Variants in KAT6B observed in about 807,000 individuals in gnomAD.
The protein encoded by KAT6B is histone acetyltransferase KAT6B.
Under a neutral mutation model 187.5 loss-of-function variants are expected in KAT6B, and 10 were observed. The ratio of observed to expected loss-of-function variants is 0.05; its 90% CI spans 0.03 to 0.09. KAT6B has a LOEUF of 0.09. Ranked by LOEUF, KAT6B falls within the 10% of genes least tolerant of loss-of-function variation. The pLI, the probability that KAT6B is intolerant of heterozygous loss-of-function variation, is 1.00. For missense variants in KAT6B, 1,952 were observed against 2,558.9 expected, an observed-to-expected ratio of 0.76 and a Z score of 5.12; for synonymous variants, 861 against 926.8, an observed-to-expected ratio of 0.93 and a Z score of 1.29.
chr10:75,024,323 C>T (rs994478512), intron 16 of KAT6B: 1 of 152,266 alleles, frequency 6.6e-6, no homozygotes, highest in Non-Finnish European at 1.5e-5. Context: ...TAGATTCCTT[C>T]TATTAAAATA....
chr10:74,874,333 G>A (rs1280112496), intron 3 of KAT6B, among the ~76,000 whole-genome samples: 1 of 152,176 alleles, frequency 6.6e-6, no homozygotes, highest in East Asian at 1.9e-4. Flanking sequence ...CTGATAGGCT[G>A]TAAGTCTGTC....
At chr10:75,002,756 A>G (rs1256067845) in intron 13 of KAT6B, among the ~76,000 whole-genome samples, 1 of 152,238 alleles carries the variant, frequency 6.6e-6, no homozygotes, top group Admixed American at 6.5e-5. Context: ...TGGGACTACC[A>G]TTGAATATGT....
At chr10:75,002,908 G>A (rs1416261757) in intron 13 of KAT6B, 1 of 152,270 alleles carries the variant, frequency 6.6e-6, no homozygotes, top group South Asian at 2.1e-4. Flanking sequence ...AGAGCCTGGC[G>A]CTTAGTAGGT....
intron 3 of KAT6B, among the ~76,000 whole-genome samples, chr10:74,910,390 C>G (rs1274720208): frequency 6.6e-6 from 1 of 152,156 alleles, no homozygotes; most frequent in Non-Finnish European, 1.5e-5. Flanking sequence ...AATACCCCCT[C>G]GTGGCATTTC....
At chr10:75,016,493 C>G (rs1005334388) in intron 13 of KAT6B, among the ~76,000 whole-genome samples, 1 of 152,226 alleles carries the variant, frequency 6.6e-6, no homozygotes, top group Non-Finnish European at 1.5e-5. Flanking sequence ...AAAGAGGAAG[C>G]CAGCTTTTGC....
At chr10:74,954,883 GCTCTA>G (rs1018339088) in intron 3 of KAT6B, among the ~76,000 whole-genome samples, 9 of 152,052 alleles carry the variant, frequency 5.9e-5, no homozygotes, top group African/African-American at 2.2e-4. Flanking sequence ...GCATCTCCCC[GCTCTA>G]TAGATTAACA....
chr10:75,020,513 C>T (rs992379085), intron 13 of KAT6B, 69 bp from the exon 14 acceptor site: 7 of 1,066,918 alleles, frequency 6.6e-6, no homozygotes, highest in South Asian at 5.1e-5. Flanking sequence ...CATATTATTT[C>T]TAGTGGCTCC....
At chr10:74,921,367 A>G (rs1848115267) in intron 3 of KAT6B, among the ~76,000 whole-genome samples, 1 of 151,950 alleles carries the variant, frequency 6.6e-6, no homozygotes, top group Non-Finnish European at 1.5e-5. Context: ...GCCTGCCTTG[A>G]ACTCCCAAAG....
chr10:75,031,610 G>A lies in KAT6B; in HGVS notation c.*564G>A. ...CTTGATTAGGGTGCCCTAATTTGAG[G>A]GTTTTAAAAAAAACTATATTTTTGT... is the stretch of plus-strand genomic sequence containing the variant. On this transcript the variant is annotated 3_prime_UTR_variant, in exon 18 of 18. Transcript: ENST00000287239. 1 of 214,352 alleles carries A rather than the reference G, an allele frequency of 4.7e-6. No homozygotes were observed. Among genetic ancestry groups the A allele is most frequent in the Non-Finnish European group, 9.4e-6 (1 of 106,576 alleles). 13.3% of individuals were successfully genotyped at this position (214,352 alleles called of 1,614,324 possible). A position where few individuals can be genotyped will look rare whatever the true frequency, so the allele number is the denominator to read the frequency against.
chr10:74,992,100 T>C (rs1843153896), intron 13 of KAT6B, among the ~76,000 whole-genome samples: 1 of 152,218 alleles, frequency 6.6e-6, no homozygotes, highest in African/African-American at 2.4e-5. Flanking sequence ...TTAAATTTAT[T>C]TTATTTCTAT....
intron 13 of KAT6B, among the ~76,000 whole-genome samples, chr10:74,995,895 A>T (rs1455611753): frequency 2.0e-5 from 3 of 152,240 alleles, no homozygotes; most frequent in African/African-American, 4.8e-5. Flanking sequence ...AAGTGAGCAG[A>T]TAATGAATTG....
intron 3 of KAT6B, among the ~76,000 whole-genome samples, chr10:74,950,318 G>T (rs11001217): frequency 2.6e-5 from 4 of 152,140 alleles, no homozygotes; most frequent in Non-Finnish European, 5.9e-5. Flanking sequence ...GTTCTACCCC[G>T]AAGGATGTGA....
intron 3 of KAT6B, among the ~76,000 whole-genome samples, chr10:74,941,308 A>G (rs1055159807): frequency 6.6e-6 from 1 of 152,218 alleles, no homozygotes; most frequent in Non-Finnish European, 1.5e-5. Flanking sequence ...TAATAATGGT[A>G]ATGACAGAGA....
intron 1 of KAT6B, chr10:74,827,362 CAG>C (rs985408866): frequency 6.6e-5 from 10 of 151,502 alleles, no homozygotes; most frequent in African/African-American, 2.5e-4. Context: ...TGAAGCGGTG[CAG>C]AGTGTTGGGT....
intron 13 of KAT6B, among the ~76,000 whole-genome samples, chr10:75,007,751 AATC>A (rs1220235221): frequency 6.6e-6 from 1 of 152,294 alleles, no homozygotes; most frequent in South Asian, 2.1e-4. Flanking sequence ...TTTAGAAAGC[AATC>A]ATCTTAAAAT....
chr10:74,983,337 C>G (rs1842631341), intron 11 of KAT6B: 1 of 152,422 alleles, frequency 6.6e-6, no homozygotes, highest in Non-Finnish European at 1.5e-5. Flanking sequence ...CAAACATCCC[C>G]TGGGGGCGCA....
intron 1 of KAT6B, among the ~76,000 whole-genome samples, chr10:74,829,344 TAA>T (rs1264802155): frequency 6.6e-6 from 1 of 152,186 alleles, no homozygotes; most frequent in East Asian, 1.9e-4. Context: ...TATCAATTAG[TAA>T]AAGACGTAAC....
chr10:74,941,845 A>T (rs1419055310), intron 3 of KAT6B, among the ~76,000 whole-genome samples: 2 of 152,194 alleles, frequency 1.3e-5, no homozygotes, highest in African/African-American at 4.8e-5. Context: ...CTTTGCTTTC[A>T]TACTAAAACT....
At chr10:74,977,106 C>A in intron 8 of KAT6B, 1 of 465,128 alleles carries the variant, frequency 2.1e-6, no homozygotes, top group Non-Finnish European at 3.9e-6. Context: ...AAAAAGATGA[C>A]AGTGATAAAT....
Sources: gnomAD v4.1 joint callset for allele counts (sites outside exome capture counted in the v4.1 genomes callset) on GRCh38, gnomAD v4.1.1 for gene constraint, MANE v1.5 for transcripts, NCBI Gene and HGNC (gene_info 2026-07-23, HGNC 2026-07-21) for gene names.